The following ADD3 variants were observed in gnomAD, a reference collection of about 807,000 sequenced individuals.
The protein encoded by ADD3 is adducin 3, also known as gamma-adducin.
In ADD3, 25 loss-of-function variants were observed where a neutral mutation model predicts 80.2. The observed-to-expected ratio is 0.31, with a 90% CI of 0.23 to 0.44. The LOEUF (loss-of-function observed/expected upper bound fraction) is 0.44. Among genes scored for constraint, ADD3 ranks in the 20% least tolerant of loss-of-function variants. The probability of loss-of-function intolerance (pLI) is 1.00; values close to 1 mark genes in which losing one functional copy is unlikely to be tolerated. For synonymous variants in ADD3, 284 were observed against 289.6 expected (o/e 0.98, Z 0.20); for missense variants, 829 against 847.5 (o/e 0.98, Z 0.27).
At chr10:110,030,856 A>T (rs773077595) in intron 1 of ADD3, among the ~76,000 whole-genome samples, 3 of 151,712 alleles carry the variant, frequency 2.0e-5, no homozygotes, top group Non-Finnish European at 4.4e-5. Context: ...GCCTACAAGC[A>T]ACCTCTACTC....
chr10:110,085,206 G>C (rs1846569465), intron 1 of ADD3, among the ~76,000 whole-genome samples: 1 of 152,164 alleles, frequency 6.6e-6, no homozygotes, highest in African/African-American at 2.4e-5. Flanking sequence ...AAAGAGCCTA[G>C]ACCTCTTTAA....
chr10:110,090,211 C>T (rs375532624), intron 1 of ADD3, among the ~76,000 whole-genome samples: 77 of 139,918 alleles, frequency 5.5e-4, no homozygotes, highest in African/African-American at 2.1e-3. Flanking sequence ...CAAGCACCTA[C>T]TTGACTTTTT....
intron 1 of ADD3, among the ~76,000 whole-genome samples, chr10:110,023,942 C>T (rs969026733): frequency 7.2e-5 from 11 of 152,182 alleles, no homozygotes; most frequent in Non-Finnish European, 4.4e-5. Flanking sequence ...CACATGTTCT[C>T]ACTTAAAGTG....
At chr10:110,055,399 T>TC in intron 1 of ADD3, among the ~76,000 whole-genome samples, 1 of 152,336 alleles carries the variant, frequency 6.6e-6, no homozygotes, top group East Asian at 1.9e-4. Context: ...TGTTTTGGGA[T>TC]GAGTACTGAG....
chr10:110,064,488 AATG>A (rs1300847355), intron 1 of ADD3, among the ~76,000 whole-genome samples: 2 of 152,186 alleles, frequency 1.3e-5, no homozygotes, highest in Non-Finnish European at 2.9e-5. Context: ...CCTTATAACT[AATG>A]ATGATGGGCA....
At position 110,105,778 on chromosome 10, in the gene ADD3, T is replaced by G. The variant is rs577279375; in HGVS notation, c.195+4930T>G. Among the ~76,000 whole-genome samples the G allele has an allele frequency of 5.3e-5, 8 of 152,268 alleles. No homozygotes were observed. In the East Asian group the frequency reaches 1.5e-3, roughly 29 times the overall value. On this transcript the variant is annotated intron_variant, in intron 2 of 14. Coordinates refer to ENST00000356080, the MANE Select transcript of ADD3 (RefSeq NM_016824.5). Reference sequence around the variant, plus strand: ...GATATCACTGGAAGTAAGGCCTGAGTGTTAACAGGGTTCCTTAATTCAAAT... The same window carrying G: ...GATATCACTGGAAGTAAGGCCTGAGGGTTAACAGGGTTCCTTAATTCAAAT...
chr10:110,026,298 T>G (rs572342301), intron 1 of ADD3, among the ~76,000 whole-genome samples: 1 of 151,664 alleles, frequency 6.6e-6, no homozygotes, highest in Admixed American at 6.5e-5. Context: ...TTTTTTTTTT[T>G]GAAACGGAGT....
chr10:110,112,801 C>T lies in ADD3; in HGVS notation c.220C>T (p.Leu74Phe). The change falls in exon 3 of 15, where the codon CTT (leucine) becomes TTT (phenylalanine). Residue 74 changes from leucine (L) to phenylalanine (F), a missense_variant. By Grantham distance (22) the Leu-to-Phe change is conservative (BLOSUM62 0). Transcript: ENST00000356080. ...SPAFREDLEC[L>F]IQEQMKKGHN... Reference sequence around the variant, plus strand: ...GGCCTTTCGGGAAGACTTGGAATGCCTTATTCAAGAACAGATGAAGAAAGG... The same window carrying T: ...GGCCTTTCGGGAAGACTTGGAATGCTTTATTCAAGAACAGATGAAGAAAGG... The T allele has an allele frequency of 6.2e-7, 1 of 1,613,746 alleles. No individual in the cohort carries two copies. The highest frequency in any genetic ancestry group is 8.5e-7 in the Non-Finnish European group (1 of 1,179,902).
chr10:110,078,784 T>C (rs1429669347), intron 1 of ADD3, among the ~76,000 whole-genome samples: 3 of 152,200 alleles, frequency 2.0e-5, no homozygotes, highest in Non-Finnish European at 4.4e-5. Flanking sequence ...TCAAAAAATA[T>C]TGGTTACAAT....
chr10:110,009,552 A>G (rs878893176), intron 1 of ADD3, among the ~76,000 whole-genome samples: 1 of 152,262 alleles, frequency 6.6e-6, no homozygotes, highest in Non-Finnish European at 1.5e-5. Flanking sequence ...TTAACCCTAT[A>G]AATAACTGGA....
chr10:110,073,133 G>GTTTTTTTTTTTTTTTTT (rs1443878675), intron 1 of ADD3, among the ~76,000 whole-genome samples: 1 of 106,490 alleles, frequency 9.4e-6, no homozygotes. Context: ...TTGAGTTTTA[G>GTTTTTTTTTTTTTTTTT]TTTTCTTTTT....
At chr10:110,046,974 A>T (rs930080769) in intron 1 of ADD3, among the ~76,000 whole-genome samples, 1 of 152,118 alleles carries the variant, frequency 6.6e-6, no homozygotes, top group East Asian at 1.9e-4. Flanking sequence ...AGTGATGTCT[A>T]CTATAAGCCC....
intron 1 of ADD3, among the ~76,000 whole-genome samples, chr10:110,042,184 C>T (rs1856447382): frequency 6.6e-6 from 1 of 152,120 alleles, no homozygotes; most frequent in South Asian, 2.1e-4. Flanking sequence ...TTGAGCTTGC[C>T]ATAATTAGAA....
chr10:110,127,652 A>AT (rs1381411035), intron 12 of ADD3, among the ~76,000 whole-genome samples: 2 of 152,072 alleles, frequency 1.3e-5, no homozygotes, highest in African/African-American at 4.8e-5. Context: ...TCCTAATATT[A>AT]TTTTCCACAG....
chr10:110,053,718 G>C (rs1167531857), intron 1 of ADD3, among the ~76,000 whole-genome samples: 1 of 152,078 alleles, frequency 6.6e-6, no homozygotes, highest in East Asian at 1.9e-4. Context: ...TCATCAATAG[G>C]TAAAATAAGA....
At chr10:110,063,238 T>G (rs1398646462) in intron 1 of ADD3, among the ~76,000 whole-genome samples, 5 of 152,220 alleles carry the variant, frequency 3.3e-5, no homozygotes, top group African/African-American at 1.2e-4. Flanking sequence ...GCATTAATAC[T>G]GTAACACTGC....
rs1393034838 is a variant in ADD3, at chr10:110,063,702, CAG to C, written c.-29-36922_-29-36921del. On this transcript the variant is annotated intron_variant, in intron 1 of 14. Coordinates refer to ENST00000356080, the MANE Select transcript of ADD3 (RefSeq NM_016824.5). ...ATATAGAAAAGTACAGAAATCATAA[CAG>C]TACAGCTTGATGAATATGAATATAT... Among the ~76,000 whole-genome samples, 3 of 126,744 alleles carry C rather than the reference CAG, an allele frequency of 2.4e-5. No individual in the cohort carries two copies. In the East Asian group the frequency reaches 7.1e-4, roughly 30 times the overall value. 83.1% of individuals were successfully genotyped at this position (126,744 alleles called of 152,430 possible).
chr10:110,081,758 G>T (rs944396012), intron 1 of ADD3, among the ~76,000 whole-genome samples: 14 of 152,114 alleles, frequency 9.2e-5, no homozygotes, highest in Admixed American at 3.3e-4. Context: ...CTTGAAAATG[G>T]TCACCCTCTG....
intron 1 of ADD3, among the ~76,000 whole-genome samples, chr10:110,026,810 T>C (rs1751375540): frequency 6.6e-6 from 1 of 151,986 alleles, no homozygotes; most frequent in African/African-American, 2.4e-5. Context: ...TGCCTTTGCC[T>C]GAGATTTTGG....
Sources: gnomAD v4.1 joint callset for allele counts (sites outside exome capture counted in the v4.1 genomes callset) on GRCh38, gnomAD v4.1.1 for gene constraint, MANE v1.5 for transcripts, NCBI Gene and HGNC (gene_info 2026-07-23, HGNC 2026-07-21) for gene names.